The following SLC9A8 variants were observed in gnomAD, a reference collection of about 807,000 sequenced individuals.
SLC9A8 encodes the protein solute carrier family 9 member A8.
SLC9A8 carries 48 observed loss-of-function variants against 66.6 expected under a neutral mutation model. The observed-to-expected ratio is 0.72, with a 90% CI of 0.57 to 0.92. The LOEUF is 0.92. SLC9A8 is among the 40% of genes least tolerant of loss of function. The pLI, the probability that SLC9A8 is intolerant of heterozygous loss-of-function variation, is 0.00. For missense variants in SLC9A8, 599 were observed against 747.3 expected, an observed-to-expected ratio of 0.80 and a Z score of 2.31; for synonymous variants, 274 against 282.6, an observed-to-expected ratio of 0.97 and a Z score of 0.31.
At chr20:49,819,312 GT>G (rs1310018285) in intron 2 of SLC9A8, among the ~76,000 whole-genome samples, 2 of 152,304 alleles carry the variant, frequency 1.3e-5, no homozygotes, top group Non-Finnish European at 2.9e-5. Context: ...ACACAGAAGT[GT>G]TTGCCCTTTC....
intron 2 of SLC9A8, among the ~76,000 whole-genome samples, chr20:49,817,802 G>T (rs1036330378): frequency 1.3e-5 from 2 of 152,156 alleles, no homozygotes; most frequent in Non-Finnish European, 2.9e-5. Context: ...CCCTGTAAAT[G>T]TAGTTGAATT....
intron 3 of SLC9A8, chr20:49,830,352 G>A (rs2087122383): frequency 5.5e-6 from 5 of 905,670 alleles, no homozygotes; most frequent in Non-Finnish European, 3.7e-6. Context: ...CATCTAGGAG[G>A]GGGCCCGCCT....
intron 13 of SLC9A8, among the ~76,000 whole-genome samples, chr20:49,881,242 C>T (rs1394610055): frequency 2.0e-5 from 3 of 152,194 alleles, no homozygotes; most frequent in African/African-American, 7.2e-5. Context: ...GGGCAAACAA[C>T]ATGCCCAGGG....
At chr20:49,836,249 AT>A (rs914468413) in intron 3 of SLC9A8, among the ~76,000 whole-genome samples, 1 of 152,152 alleles carries the variant, frequency 6.6e-6, no homozygotes, top group Non-Finnish European at 1.5e-5. Context: ...CCAGTACTTC[AT>A]TCCTTTTCAT....
At chr20:49,856,557 C>T (rs530614921) in intron 8 of SLC9A8, among the ~76,000 whole-genome samples, 2 of 152,336 alleles carry the variant, frequency 1.3e-5, no homozygotes, top group East Asian at 1.9e-4. Flanking sequence ...CGCAGTGGCT[C>T]AGTCCTGTAA....
rs777489468 is a variant in SLC9A8 at position 49,823,084 on chromosome 20, T to G, written c.232T>G (p.Leu78Val). ...AGCTATCTGCATCATATTGGTGCAT[T>G]TACTGATCCGATACAGATTACATTT... ...VLAICIILVH[L>V]LIRYRLHFLP... The change falls in exon 3 of 16, where the codon TTA (leucine) becomes GTA (valine). Residue 78 changes from leucine to valine, a missense_variant. Leu to Val is a conservative substitution (Grantham distance 32, BLOSUM62 1). Transcript: ENST00000361573. 5.6e-6 allele frequency: 9 copies of G among 1,613,212 alleles called. No individual in the cohort carries two copies. Among genetic ancestry groups the G allele is most frequent in the Non-Finnish European group, 7.6e-6 (9 of 1,179,582 alleles).
In SLC9A8 at chr20:49,883,980, C is replaced by A; in HGVS notation, c.1405C>A (p.Pro469Thr). The A allele has an allele frequency of 6.2e-7, 1 of 1,613,512 alleles. No homozygotes were observed. The highest frequency in any genetic ancestry group is 8.5e-7 in the Non-Finnish European group (1 of 1,179,988). ...CCTGCTGCTGGGCGGCAGCACCATG[C>A]CCCTCATTCGCCTCATGGACATCGA... is the stretch of plus-strand genomic sequence containing the variant. ...TILLLGGSTM[P>T]LIRLMDIEDA... Residue 469 changes from proline to threonine, a missense_variant, in exon 14 of 16, where the codon CCC (proline) becomes ACC (threonine). Pro to Thr is a conservative substitution (Grantham distance 38). Transcript: ENST00000361573.
intron 8 of SLC9A8, 95 bp downstream of exon 8, chr20:49,855,676 G>T (rs1052833607): frequency 1.7e-6 from 2 of 1,206,874 alleles, no homozygotes; most frequent in Non-Finnish European, 2.3e-6. Context: ...CATGTGTACA[G>T]TTGCTTGTCC....
At chr20:49,820,393 G>A (rs926837853) in intron 2 of SLC9A8, among the ~76,000 whole-genome samples, 8 of 152,002 alleles carry the variant, frequency 5.3e-5, no homozygotes, top group African/African-American at 1.4e-4. Flanking sequence ...CTATTCGGGA[G>A]GCTGAGGCAC....
intron 7 of SLC9A8, among the ~76,000 whole-genome samples, chr20:49,852,341 G>C (rs1306810863): frequency 6.6e-6 from 1 of 152,086 alleles, no homozygotes; most frequent in Non-Finnish European, 1.5e-5. Context: ...GATTTTTATA[G>C]GGAATTTTCC....
chr20:49,859,180 A>G (rs2088635083), intron 8 of SLC9A8, among the ~76,000 whole-genome samples: 1 of 152,212 alleles, frequency 6.6e-6, no homozygotes, highest in Non-Finnish European at 1.5e-5. Context: ...CTTGAGAATC[A>G]GCCTCACAAA....
chr20:49,813,243 C>A (rs1274848512), intron 1 of SLC9A8, among the ~76,000 whole-genome samples: 3 of 152,234 alleles, frequency 2.0e-5, no homozygotes. Flanking sequence ...TTTCGGTAAT[C>A]TCATGGTTAC....
At chr20:49,848,139 G>T (rs554073464) in intron 5 of SLC9A8, among the ~76,000 whole-genome samples, 4 of 151,994 alleles carry the variant, frequency 2.6e-5, no homozygotes, top group African/African-American at 9.6e-5. Context: ...GGTCAGGTTG[G>T]TCTCGAACTC....
chr20:49,840,432 A>T (rs1048198918), intron 4 of SLC9A8, among the ~76,000 whole-genome samples: 2 of 152,240 alleles, frequency 1.3e-5, no homozygotes, highest in African/African-American at 4.8e-5. Flanking sequence ...AATTGATCAC[A>T]TTTAAGCCCT....
intron 15 of SLC9A8, among the ~76,000 whole-genome samples, chr20:49,887,341 C>T (rs1195884660): frequency 5.3e-5 from 8 of 152,172 alleles, no homozygotes; most frequent in East Asian, 1.9e-4. Context: ...GCTTTGTTTC[C>T]GAGCAGGCCC....
chr20:49,824,385 T>A (rs1284305259), intron 3 of SLC9A8, among the ~76,000 whole-genome samples: 2 of 152,260 alleles, frequency 1.3e-5, no homozygotes, highest in Non-Finnish European at 2.9e-5. Flanking sequence ...TTAACATTCC[T>A]TTCTGCTATT....
Position 49,888,266 on chromosome 20 carries a change from C to T in SLC9A8, c.*330C>T. On this transcript the variant is annotated 3_prime_UTR_variant, in exon 16 of 16. Coordinates refer to ENST00000361573, the MANE Select transcript of SLC9A8 (RefSeq NM_015266.3). Reference sequence around the variant, plus strand: ...GCGCCTACCCCCCCACCCGGAGGACCCCTGCGGCCCCCTGCCTAGAGGAGC... The same window carrying T: ...GCGCCTACCCCCCCACCCGGAGGACTCCTGCGGCCCCCTGCCTAGAGGAGC... The T allele has an allele frequency of 3.3e-6, 1 of 303,282 alleles. No homozygotes were observed. The allele number at this position is 303,282 out of a possible 1,614,324, so 18.8% of individuals were successfully genotyped here.
In SLC9A8 at chr20:49,849,618, G is replaced by A; in HGVS notation, c.472G>A (p.Ala158Thr). 1 of 1,614,094 alleles carries A rather than the reference G, an allele frequency of 6.2e-7. No individual in the cohort carries two copies. The highest frequency in any genetic ancestry group is 8.5e-7 in the Non-Finnish European group (1 of 1,179,932). Residue 158 changes from alanine to threonine, a missense_variant, in exon 6 of 16, where the codon GCT becomes ACT. Transcript: ENST00000361573. Reference sequence around the variant, plus strand: ...AAATATTGGTTCCATCACCCTGTTTGCTGTTTTTGGGACGGCAATCTCCGC... The same window carrying A: ...AAATATTGGTTCCATCACCCTGTTTACTGTTTTTGGGACGGCAATCTCCGC... Reference protein sequence around the residue: ...FQNIGSITLFAVFGTAISAFV... With the variant: ...FQNIGSITLFTVFGTAISAFV...
chr20:49,842,558 G>T (rs1267529629), intron 4 of SLC9A8, among the ~76,000 whole-genome samples: 1 of 152,152 alleles, frequency 6.6e-6, no homozygotes, highest in Non-Finnish European at 1.5e-5. Context: ...AGGTGTCTTG[G>T]ATTTATTTGG....
Sources: allele counts gnomAD v4.1 joint callset (sites outside exome capture counted in the v4.1 genomes callset), GRCh38; gene constraint gnomAD v4.1.1; transcripts MANE v1.5; gene names NCBI Gene and HGNC (gene_info 2026-07-23, HGNC 2026-07-21).